The following CNTNAP2 variants were observed in gnomAD, a reference collection of about 807,000 sequenced individuals.
CNTNAP2 encodes contactin associated protein 2, also known as contactin-associated protein-like 2.
A neutral mutation model predicts 155.2 loss-of-function variants in CNTNAP2; 98 were observed. That is an observed-to-expected ratio of 0.63 (90% CI 0.54 to 0.75). The LOEUF is 0.75. Ranked by LOEUF, CNTNAP2 falls within the 30% of genes least tolerant of loss-of-function variation. CNTNAP2 has a pLI of 0.00. For synonymous variants in CNTNAP2, 651 were observed against 631.2 expected (o/e 1.03, Z -0.47); for missense variants, 1,727 against 1,688.1 (o/e 1.02, Z -0.40).
intron 21 of CNTNAP2, among the ~76,000 whole-genome samples, chr7:148,321,753 ACTTG>A (rs1338533422): frequency 1.3e-5 from 2 of 152,186 alleles, no homozygotes; most frequent in East Asian, 3.9e-4. Flanking sequence ...CTGAGAGTAA[ACTTG>A]CTTCGATGCA....
chr7:146,622,994 A>C (rs899429720), intron 1 of CNTNAP2, among the ~76,000 whole-genome samples: 12 of 150,382 alleles, frequency 8.0e-5, no homozygotes, highest in African/African-American at 2.9e-4. Flanking sequence ...AAAAAAAAAA[A>C]CCTGTATCCT....
intron 13 of CNTNAP2, among the ~76,000 whole-genome samples, chr7:147,734,829 G>A (rs774322753): frequency 4.4e-4 from 67 of 152,230 alleles, no homozygotes; most frequent in Middle Eastern, 6.8e-3. Context: ...ATTCTCTGAT[G>A]GTAGTTTGTA....
intron 1 of CNTNAP2, among the ~76,000 whole-genome samples, chr7:146,476,652 A>G (rs753361267): frequency 6.6e-6 from 1 of 152,206 alleles, no homozygotes; most frequent in Non-Finnish European, 1.5e-5. Flanking sequence ...GAATGAAGAT[A>G]ATCTTTTTTG....
chr7:147,045,601 T>A (rs1799341351), intron 4 of CNTNAP2, among the ~76,000 whole-genome samples: 2 of 152,252 alleles, frequency 1.3e-5, no homozygotes, highest in Non-Finnish European at 1.5e-5. Flanking sequence ...AAATTTAGCA[T>A]TTCTGGTAAG....
chr7:146,839,022 T>C (rs1276667313), intron 2 of CNTNAP2, among the ~76,000 whole-genome samples: 1 of 152,154 alleles, frequency 6.6e-6, no homozygotes, highest in Non-Finnish European at 1.5e-5. Context: ...TAACAAATGT[T>C]TTTACATTCT....
Position 148,249,932 on chromosome 7 carries a change from G to T in CNTNAP2, c.3382-17101G>T, listed in dbSNP as rs149541597. Reference sequence around the variant, plus strand: ...CTTCCTCCCTTGCCCTTGCAGGAGCGTCTCTGACATCACTACCCCATCTGT... The same window carrying T: ...CTTCCTCCCTTGCCCTTGCAGGAGCTTCTCTGACATCACTACCCCATCTGT... On this transcript the variant is annotated intron_variant, in intron 20 of 23. Transcript: ENST00000361727. Among the ~76,000 whole-genome samples, 4 of 152,322 alleles carry T rather than the reference G, an allele frequency of 2.6e-5. No homozygotes were observed. The East Asian group carries it at 7.7e-4, about 29-fold the overall frequency.
intron 13 of CNTNAP2, among the ~76,000 whole-genome samples, chr7:147,693,737 GTTGTTGATTCT>G: frequency 6.6e-6 from 1 of 151,808 alleles, no homozygotes; most frequent in Middle Eastern, 3.4e-3. Flanking sequence ...TTTTGTTGTT[GTTGTTGATTCT>G]TTCAGATTTT....
intron 16 of CNTNAP2, among the ~76,000 whole-genome samples, chr7:148,126,092 C>G (rs1368179728): frequency 6.6e-6 from 1 of 152,016 alleles, no homozygotes; most frequent in Non-Finnish European, 1.5e-5. Context: ...TTACTTCTGA[C>G]TGGAGAAGGA....
At chr7:148,362,038 C>T (rs1005178499) in intron 21 of CNTNAP2, among the ~76,000 whole-genome samples, 6 of 152,092 alleles carry the variant, frequency 3.9e-5, no homozygotes. Context: ...TGAAACCTGT[C>T]TCTACTAAAA....
chr7:146,812,638 G>A (rs1234671886), intron 2 of CNTNAP2, among the ~76,000 whole-genome samples: 2 of 151,934 alleles, frequency 1.3e-5, no homozygotes, highest in Non-Finnish European at 2.9e-5. Flanking sequence ...CAGTGTGATA[G>A]AAAAGAAAAA....
intron 12 of CNTNAP2, among the ~76,000 whole-genome samples, chr7:147,601,948 TAC>T (rs1800955108): frequency 6.6e-6 from 1 of 152,148 alleles, no homozygotes; most frequent in South Asian, 2.1e-4. Context: ...TGGTGTTTCC[TAC>T]AGTCTTGTTA....
intron 1 of CNTNAP2, among the ~76,000 whole-genome samples, chr7:146,171,731 A>G (rs1798393513): frequency 6.6e-6 from 1 of 152,174 alleles, no homozygotes; most frequent in African/African-American, 2.4e-5. Flanking sequence ...TGGAAATAGT[A>G]TCATAAAACA....
intron 3 of CNTNAP2, among the ~76,000 whole-genome samples, chr7:146,972,528 C>A (rs149649187): frequency 6.6e-6 from 1 of 151,972 alleles, no homozygotes; most frequent in Admixed American, 6.6e-5. Flanking sequence ...GCATCAATGA[C>A]CATATAAAGC....
At chr7:147,457,560 G>GT (rs66790316) in intron 10 of CNTNAP2, among the ~76,000 whole-genome samples, 9 of 150,850 alleles carry the variant, frequency 6.0e-5, no homozygotes, top group African/African-American at 1.7e-4. Flanking sequence ...GATATGAGAG[G>GT]TTTTTTTTCC....
At chr7:147,221,839 G>C (rs1333529806) in intron 8 of CNTNAP2, among the ~76,000 whole-genome samples, 1 of 152,064 alleles carries the variant, frequency 6.6e-6, no homozygotes, top group African/African-American at 2.4e-5. Flanking sequence ...ACCATTGAAA[G>C]ATAGTTTCAC....
chr7:147,038,125 T>C (rs1016473411), intron 3 of CNTNAP2, among the ~76,000 whole-genome samples: 1 of 152,104 alleles, frequency 6.6e-6, no homozygotes, highest in African/African-American at 2.4e-5. Context: ...CACTGTACTC[T>C]AGCCTGGGTG....
intron 3 of CNTNAP2, among the ~76,000 whole-genome samples, chr7:147,017,522 A>T (rs1031748681): frequency 1.3e-5 from 2 of 152,056 alleles, no homozygotes; most frequent in African/African-American, 4.8e-5. Flanking sequence ...GTAAAATTTG[A>T]TTTTGTTTCA....
intron 10 of CNTNAP2, among the ~76,000 whole-genome samples, chr7:147,407,087 C>A (rs1584930328): frequency 6.6e-6 from 1 of 152,142 alleles, no homozygotes; most frequent in Non-Finnish European, 1.5e-5. Flanking sequence ...TTAGACATGA[C>A]ATAAAAGTGC....
intron 9 of CNTNAP2, among the ~76,000 whole-genome samples, chr7:147,336,827 A>T (rs1411148659): frequency 6.6e-6 from 1 of 152,134 alleles, no homozygotes; most frequent in African/African-American, 2.4e-5. Flanking sequence ...ATAGCCACCT[A>T]CAATTCTCTA....
Sources: gnomAD v4.1 joint callset for allele counts (sites outside exome capture counted in the v4.1 genomes callset) on GRCh38, gnomAD v4.1.1 for gene constraint, MANE v1.5 for transcripts, NCBI Gene and HGNC (gene_info 2026-07-23, HGNC 2026-07-21) for gene names.